The following RPGRIP1 variants were observed in gnomAD, a reference collection of about 807,000 sequenced individuals.
RPGRIP1 encodes RPGR interacting protein 1, also known as X-linked retinitis pigmentosa GTPase regulator-interacting protein 1.
In RPGRIP1, 128 loss-of-function variants were observed where a neutral mutation model predicts 157.9. The observed-to-expected ratio is 0.81, with a 90% CI of 0.70 to 0.94. The LOEUF is 0.94. RPGRIP1 is among the 40% of genes least tolerant of loss of function. The probability of loss-of-function intolerance (pLI) is 0.00; values close to 1 mark genes in which losing one functional copy is unlikely to be tolerated. For missense variants in RPGRIP1, 1,486 were observed against 1,545.8 expected, an observed-to-expected ratio of 0.96 and a Z score of 0.65; for synonymous variants, 554 against 571.6, an observed-to-expected ratio of 0.97 and a Z score of 0.44.
At chr14:21,345,713 T>C (rs1312314060) in intron 23 of RPGRIP1, among the ~76,000 whole-genome samples, 1 of 150,722 alleles carries the variant, frequency 6.6e-6, no homozygotes, top group African/African-American at 2.4e-5. Context: ...CCCATAGTCT[T>C]ATAGGTTTAG....
At position 21,307,834 on chromosome 14, in the gene RPGRIP1, G is replaced by T; in HGVS notation, c.904G>T (p.Glu302Ter). ...AAAAGCACAATTAACAGAAGTTCAA[G>T]AGGTGAGTTGCCATCATCAGCTGTG... ...MTKAQLTEVQ[E>*]AYETLLQKNQ... The change falls in exon 7 of 25, where the codon GAG (glutamate) becomes TAG (stop). Residue 302 changes from glutamate (E) to a stop codon, truncating the protein, a stop_gained and splice_region_variant. Transcript: ENST00000400017. LOFTEE classifies it high-confidence loss of function. The T allele has an allele frequency of 6.5e-7, 1 of 1,535,938 alleles. No individual in the cohort carries two copies. The highest frequency in any genetic ancestry group is 8.8e-7 in the Non-Finnish European group (1 of 1,134,840).
At chr14:21,347,828 A>G (rs980499590) in intron 23 of RPGRIP1, among the ~76,000 whole-genome samples, 4 of 152,108 alleles carry the variant, frequency 2.6e-5, no homozygotes, top group Non-Finnish European at 5.9e-5. Flanking sequence ...TCCTGGGCTC[A>G]AGTGATCTCA....
chr14:21,336,072 G>A (rs1454148118), intron 21 of RPGRIP1, among the ~76,000 whole-genome samples: 2 of 152,170 alleles, frequency 1.3e-5, no homozygotes, highest in Non-Finnish European at 2.9e-5. Context: ...GTAATATAAA[G>A]TCTGTTGTAA....
In RPGRIP1 at chr14:21,326,010, C is replaced by A; in HGVS notation, c.2547C>A (p.Asp849Glu). ...CCAGTAACAACCCCTACTTTAGAGA[C>A]CAGGCTCGATTCCCAGTGCTTGTGA... is the stretch of plus-strand genomic sequence containing the variant. ...IPASNNPYFR[D>E]QARFPVLVTS... The change falls in exon 17 of 25, where the codon GAC becomes GAA. Residue 849 changes from aspartate (D) to glutamate (E), a missense_variant. Transcript: ENST00000400017. 6.2e-7 allele frequency: 1 copy of A among 1,614,004 alleles called. No individual in the cohort carries two copies. Among genetic ancestry groups the A allele is most frequent in the Non-Finnish European group, 8.5e-7 (1 of 1,179,884 alleles).
chr14:21,325,783 C>T (rs779699352), intron 16 of RPGRIP1, 48 bp from the exon 17 acceptor site: 4 of 1,386,726 alleles, frequency 2.9e-6, no homozygotes, highest in Admixed American at 1.8e-5. Context: ...TCACCTACAA[C>T]AGTCTCAAGC....
At chr14:21,349,768 A>AAAT (rs762180962) in intron 24 of RPGRIP1, among the ~76,000 whole-genome samples, 21 of 152,190 alleles carry the variant, frequency 1.4e-4, no homozygotes, top group Non-Finnish European at 3.1e-4. Flanking sequence ...CTACTATAGT[A>AAAT]AATACATAAT....
chr14:21,280,193 C>T (rs1880075095), intron 1 of RPGRIP1, among the ~76,000 whole-genome samples, 34 bp downstream of exon 1: 1 of 151,238 alleles, frequency 6.6e-6, no homozygotes, highest in Admixed American at 6.6e-5. Flanking sequence ...TTATAGTTTC[C>T]TATGTCTTCC....
chr14:21,339,989 T>C (rs749011088), intron 21 of RPGRIP1, among the ~76,000 whole-genome samples: 78 of 151,454 alleles, frequency 5.2e-4, no homozygotes, highest in Non-Finnish European at 3.7e-4. Context: ...ATGCGAGGAG[T>C]TGAACTAGGA....
chr14:21,312,498 C>T lies in RPGRIP1; in HGVS notation c.1143C>T (p.Leu381=). ...RKLLNDNYDK[L]LESMLDSSDS... Reference sequence around the variant, plus strand: ...TGCTGAATGACAATTATGACAAACTCTTAGAAAGGTGAGTACCACATTTGG... The same window carrying T: ...TGCTGAATGACAATTATGACAAACTTTTAGAAAGGTGAGTACCACATTTGG... Residue 381 remains leucine (L), a synonymous_variant, in exon 10 of 25, where the codon CTC becomes CTT. Transcript: ENST00000400017. 1.2e-6 allele frequency: 2 copies of T among 1,608,750 alleles called. No individual in the cohort carries two copies. The highest frequency in any genetic ancestry group is 1.1e-5 in the South Asian group (1 of 90,438).
At chr14:21,349,505 C>T (rs561757911) in intron 24 of RPGRIP1, among the ~76,000 whole-genome samples, 6 of 150,166 alleles carry the variant, frequency 4.0e-5, no homozygotes, top group Admixed American at 6.7e-5. Context: ...CTTAATCAAG[C>T]GATTTTCCTG....
At chr14:21,320,241 G>A in intron 12 of RPGRIP1, 64 bp downstream of exon 12, 1 of 1,392,512 alleles carries the variant, frequency 7.2e-7, no homozygotes, top group Non-Finnish European at 1.0e-6. Flanking sequence ...TATCTCTAGG[G>A]AAGATGATGA....
At chr14:21,308,591 A>G (rs1881413687) in intron 7 of RPGRIP1, among the ~76,000 whole-genome samples, 1 of 152,216 alleles carries the variant, frequency 6.6e-6, no homozygotes, top group South Asian at 2.1e-4. Context: ...GTGGAGGAAC[A>G]CCAGGGCTCT....
At chr14:21,281,562 G>A (rs1352187051) in intron 1 of RPGRIP1, among the ~76,000 whole-genome samples, 6 of 151,560 alleles carry the variant, frequency 4.0e-5, no homozygotes, top group Non-Finnish European at 5.9e-5. Flanking sequence ...GGCGGCTTGC[G>A]CCTGTAATTG....
At chr14:21,310,922 G>A (rs751011542) in intron 8 of RPGRIP1, 5 of 579,406 alleles carry the variant, frequency 8.6e-6, no homozygotes, top group African/African-American at 3.7e-5. Context: ...TAGCATGTGT[G>A]AGGTGATGAG....
intron 2 of RPGRIP1, among the ~76,000 whole-genome samples, chr14:21,289,040 C>T (rs1425136564): frequency 6.6e-6 from 1 of 151,998 alleles, no homozygotes; most frequent in African/African-American, 2.4e-5. Flanking sequence ...TTTAAGATAT[C>T]TTTAGGGCTG....
intron 20 of RPGRIP1, among the ~76,000 whole-genome samples, chr14:21,331,034 C>T (rs1474407425): frequency 2.0e-5 from 3 of 151,758 alleles, no homozygotes; most frequent in African/African-American, 7.2e-5. Context: ...CTCAGCCTCC[C>T]GAGTAGCTGG....
intron 11 of RPGRIP1, among the ~76,000 whole-genome samples, chr14:21,319,567 A>C (rs1333449533): frequency 1.3e-5 from 2 of 151,790 alleles, no homozygotes; most frequent in Non-Finnish European, 2.9e-5. Flanking sequence ...TAAAGAGAAA[A>C]ACACACACAC....
Position 21,311,961 on chromosome 14 carries a change from T to G in RPGRIP1, c.1068T>G (p.Thr356=). The G allele has an allele frequency of 6.2e-7, 1 of 1,612,792 alleles. No individual in the cohort carries two copies. The highest frequency in any genetic ancestry group is 8.5e-7 in the Non-Finnish European group (1 of 1,179,268). ...AAGATGTGTCTATCTTGCAGATGAC[T>G]CTGAAGGAGGTAAATAATAATAGTT... ...QLEDVSILQM[T]LKEFQERVED... is the part of the protein sequence containing the mutation. Residue 356 remains threonine (T), a synonymous_variant, in exon 9 of 25, where the codon ACT becomes ACG. Transcript: ENST00000400017.
chr14:21,348,108 CTTATT>C (rs1486357010), intron 23 of RPGRIP1, 59 bp from the exon 24 acceptor site: 29 of 1,287,942 alleles, frequency 2.3e-5, no homozygotes, highest in Admixed American at 6.4e-5. Context: ...TACTTTTATC[CTTATT>C]TTATTTTTGA....
Sources: gnomAD v4.1 joint callset for allele counts (sites outside exome capture counted in the v4.1 genomes callset) on GRCh38, gnomAD v4.1.1 for gene constraint, MANE v1.5 for transcripts, NCBI Gene and HGNC (gene_info 2026-07-23, HGNC 2026-07-21) for gene names.